Variants in PFKFB3 observed in about 807,000 individuals in gnomAD.
PFKFB3 encodes 6-phosphofructo-2-kinase/fructose-2,6-biphosphatase 3.
In PFKFB3, 33 loss-of-function variants were observed where a neutral mutation model predicts 68.0. The ratio of observed to expected loss-of-function variants is 0.49; its 90% CI spans 0.37 to 0.65. PFKFB3 has a LOEUF of 0.65. Among genes scored for constraint, PFKFB3 ranks in the 30% least tolerant of loss-of-function variants. The pLI, the probability that PFKFB3 is intolerant of heterozygous loss-of-function variation, is 0.00. For synonymous variants in PFKFB3, 315 were observed against 288.2 expected, an observed-to-expected ratio of 1.09 and a Z score of -0.94; for missense variants, 586 against 712.2, an observed-to-expected ratio of 0.82 and a Z score of 2.02.
chr10:6,185,522 C>T (rs1316880792), intron 1 of PFKFB3, among the ~76,000 whole-genome samples: 3 of 152,178 alleles, frequency 2.0e-5, no homozygotes, highest in Non-Finnish European at 1.5e-5. Flanking sequence ...CCTCTGGTCT[C>T]GCCCCTCTTC....
intron 14 of PFKFB3, among the ~76,000 whole-genome samples, chr10:6,242,510 T>C (rs17361911): frequency 0.45 from 68,794 of 152,028 alleles, 15,935 homozygotes; most frequent in African/African-American, 0.48. Flanking sequence ...TTAACTATTA[T>C]GCATGGTCTC....
chr10:6,309,623 G>A, the PFKFB3 span, among the ~76,000 whole-genome samples: 2 of 151,464 alleles, frequency 1.3e-5, no homozygotes, highest in African/African-American at 4.8e-5. Flanking sequence ...CTCCATCCCC[G>A]CCCCTCACCC....
chr10:6,250,274 A>AGGC (rs1846350608), intron 14 of PFKFB3, among the ~76,000 whole-genome samples: 1 of 152,128 alleles, frequency 6.6e-6, no homozygotes, highest in African/African-American at 2.4e-5. Flanking sequence ...CAGTATTAAG[A>AGGC]GGCGGGGTCG....
At chr10:6,276,690 A>G in the PFKFB3 span, among the ~76,000 whole-genome samples, 1 of 152,174 alleles carries the variant, frequency 6.6e-6, no homozygotes. Flanking sequence ...TTCAAGGATG[A>G]TGCAAACAAA....
At chr10:6,251,983 TAAATA>T (rs546793231) in intron 14 of PFKFB3, among the ~76,000 whole-genome samples, 321 of 151,792 alleles carry the variant, frequency 2.1e-3, no homozygotes, top group African/African-American at 7.2e-3. Context: ...AACAAATAAA[TAAATA>T]AAATAAAATA....
intron 1 of PFKFB3, among the ~76,000 whole-genome samples, chr10:6,183,178 A>G (rs1012120180): frequency 6.6e-6 from 1 of 152,192 alleles, no homozygotes; most frequent in Non-Finnish European, 1.5e-5. Flanking sequence ...AAGATCACCC[A>G]GTTCTTCATT....
At chr10:6,281,212 C>T in the PFKFB3 span, among the ~76,000 whole-genome samples, 2 of 113,822 alleles carry the variant, frequency 1.8e-5, no homozygotes, top group Admixed American at 1.9e-4. Context: ...CACTCATTGA[C>T]TGATGGGCCT....
intron 1 of PFKFB3, among the ~76,000 whole-genome samples, chr10:6,191,698 T>G (rs1230177587): frequency 6.6e-6 from 1 of 152,200 alleles, no homozygotes; most frequent in Non-Finnish European, 1.5e-5. Flanking sequence ...GGCTGCTGCA[T>G]TTGCCGTCCC....
intron 14 of PFKFB3, among the ~76,000 whole-genome samples, chr10:6,248,219 A>G (rs1588567977): frequency 6.6e-6 from 1 of 152,182 alleles, no homozygotes; most frequent in South Asian, 2.1e-4. Flanking sequence ...TCCTGGGCCA[A>G]TATAAAGTTG....
chr10:6,288,467 C>T, the PFKFB3 span, among the ~76,000 whole-genome samples: 1 of 150,374 alleles, frequency 6.7e-6, no homozygotes, highest in East Asian at 2.0e-4. Flanking sequence ...GGTTTTTTGT[C>T]CTTGCAATAG....
At chr10:6,315,980 G>T in the PFKFB3 span, among the ~76,000 whole-genome samples, 2 of 152,106 alleles carry the variant, frequency 1.3e-5, no homozygotes, top group Admixed American at 6.5e-5. Flanking sequence ...ATTCCAAAAA[G>T]AACCATTACT....
At chr10:6,203,544 G>C (rs1478703602) in intron 1 of PFKFB3, among the ~76,000 whole-genome samples, 1 of 149,846 alleles carries the variant, frequency 6.7e-6, no homozygotes, top group Non-Finnish European at 1.5e-5. Context: ...CCGCCGGCCC[G>C]GAAACGGCGA....
At chr10:6,231,389 G>C (rs770981930) in intron 14 of PFKFB3, 24 of 1,602,798 alleles carry the variant, frequency 1.5e-5, no homozygotes, top group African/African-American at 5.4e-5. Flanking sequence ...ACTGGCCATC[G>C]TGCAATGCGG....
chr10:6,174,848 C>T (rs544895692), intron 1 of PFKFB3, among the ~76,000 whole-genome samples: 1 of 150,374 alleles, frequency 6.7e-6, no homozygotes, highest in Non-Finnish European at 1.5e-5. Flanking sequence ...TACGGAGTCT[C>T]ACTCTCATGT....
At chr10:6,260,882 T>C in the PFKFB3 span, among the ~76,000 whole-genome samples, 3 of 152,216 alleles carry the variant, frequency 2.0e-5, no homozygotes, top group Non-Finnish European at 4.4e-5. Flanking sequence ...GTCATTTCAT[T>C]GGATATGTAA....
chr10:6,196,887 C>T (rs1462544142), intron 1 of PFKFB3, among the ~76,000 whole-genome samples: 1 of 152,054 alleles, frequency 6.6e-6, no homozygotes, highest in Non-Finnish European at 1.5e-5. Context: ...AGCAATCCTC[C>T]CCCCGTCACG....
downstream of PFKFB3, among the ~76,000 whole-genome samples, chr10:6,236,735 G>C (rs1846021240): frequency 6.6e-6 from 1 of 152,222 alleles, no homozygotes; most frequent in Admixed American, 6.5e-5. Context: ...TGACTACCCA[G>C]AAAATTAAAA....
chr10:6,232,190 C>T (rs1441053366), intron 14 of PFKFB3, among the ~76,000 whole-genome samples: 6 of 144,534 alleles, frequency 4.2e-5, no homozygotes. Context: ...AGGAGGCCCG[C>T]TGTGCAGTGG....
chr10:6,242,535 G>C (rs891881593), intron 14 of PFKFB3, among the ~76,000 whole-genome samples: 1 of 151,946 alleles, frequency 6.6e-6, no homozygotes, highest in Non-Finnish European at 1.5e-5. Flanking sequence ...GTGTGCAGGC[G>C]AACCTGTGGG....
Sources: allele counts gnomAD v4.1 joint callset (sites outside exome capture counted in the v4.1 genomes callset), GRCh38; gene constraint gnomAD v4.1.1; transcripts MANE v1.5; gene names NCBI Gene and HGNC (gene_info 2026-07-23, HGNC 2026-07-21).